Variants in ZNF362 observed in about 807,000 individuals in gnomAD.
ZNF362 encodes zinc finger protein 362.
A neutral mutation model predicts 42.9 loss-of-function variants in ZNF362; 11 were observed. That is an observed-to-expected ratio of 0.26 (90% CI 0.16 to 0.42). ZNF362 has a LOEUF of 0.42. Ranked by LOEUF, ZNF362 falls within the 20% of genes least tolerant of loss-of-function variation. The pLI, the probability that ZNF362 is intolerant of heterozygous loss-of-function variation, is 1.00. For synonymous variants in ZNF362, 255 were observed against 257.3 expected (o/e 0.99, Z 0.09); for missense variants, 362 against 576.2 (o/e 0.63, Z 3.81).
chr1:33,177,668 C>A, the ZNF362 span, among the ~76,000 whole-genome samples: 7 of 152,164 alleles, frequency 4.6e-5, no homozygotes, highest in South Asian at 1.2e-3. The surrounding 1 kb of genome is among the most constrained non-coding windows in gnomAD (Gnocchi z 4.1). Context: ...TCACAACTTG[C>A]GGGGTGGGTG....
chr1:33,233,426 C>T, the ZNF362 span, among the ~76,000 whole-genome samples: 1 of 147,344 alleles, frequency 6.8e-6, no homozygotes, highest in African/African-American at 2.6e-5. Flanking sequence ...TTTTTTGAAA[C>T]AGAGTCTCGC....
rs145596824 is a variant in ZNF362 at position 33,273,991 on chromosome 1, C to T, written c.39-2109C>T. 8.7e-3 allele frequency among the ~76,000 whole-genome samples: 1,329 copies of T among 152,320 alleles called. 19 individuals carry two copies. The highest frequency in any genetic ancestry group is 0.031 in the African/African-American group (1,269 of 41,574). ...GACAGGTGTATCCAATTCTCAAGCTCCCTGCCCCCAGCCGTGGAGCCTCCT... is the reference window on the plus strand; with the variant it reads ...GACAGGTGTATCCAATTCTCAAGCTTCCTGCCCCCAGCCGTGGAGCCTCCT... On this transcript the variant is annotated intron_variant, in intron 2 of 8. Transcript: ENST00000539719.
chr1:33,136,116 TTCCTTCCTTCC>T, the ZNF362 span, among the ~76,000 whole-genome samples: 2 of 30,708 alleles, frequency 6.5e-5, no homozygotes, highest in African/African-American at 2.1e-4. Context: ...GGGCCAGCCC[TTCCTTCCTTCC>T]TTCCTTCCTT....
At chr1:33,202,887 T>C in the ZNF362 span, among the ~76,000 whole-genome samples, 4 of 152,164 alleles carry the variant, frequency 2.6e-5, no homozygotes, top group Non-Finnish European at 5.9e-5. Context: ...TATAAATACC[T>C]TAAATATGAT....
the ZNF362 span, chr1:33,145,890 C>T: frequency 4.2e-6 from 2 of 471,080 alleles, no homozygotes; most frequent in East Asian, 6.9e-5. Flanking sequence ...GACTCCCTTG[C>T]AGCCAAGGTT....
the ZNF362 span, among the ~76,000 whole-genome samples, chr1:33,211,409 G>A: frequency 6.6e-6 from 1 of 152,132 alleles, no homozygotes; most frequent in East Asian, 1.9e-4. Flanking sequence ...GCTTCCTTCA[G>A]GAGCTCTTGT....
the ZNF362 span, among the ~76,000 whole-genome samples, chr1:33,133,056 C>T: frequency 7.4e-4 from 113 of 152,326 alleles, no homozygotes; most frequent in Admixed American, 1.3e-3. Context: ...AGGTTCCCTG[C>T]GGAGGCCCCA....
At chr1:33,211,094 T>A in the ZNF362 span, among the ~76,000 whole-genome samples, 1 of 151,950 alleles carries the variant, frequency 6.6e-6, no homozygotes, top group South Asian at 2.1e-4. Flanking sequence ...CCACCACGCC[T>A]GGCTAATTTT....
the ZNF362 span, among the ~76,000 whole-genome samples, chr1:33,192,960 T>C: frequency 0.77 from 114,202 of 149,232 alleles, 43,632 homozygotes; most frequent in Admixed American, 0.79. Context: ...AATATATACG[T>C]ATATATATGT....
chr1:33,252,400 C>T (rs1430906970), upstream of ZNF362, among the ~76,000 whole-genome samples: 1 of 151,714 alleles, frequency 6.6e-6, no homozygotes, highest in Non-Finnish European at 1.5e-5. Context: ...GAAAAACCAT[C>T]TATTCTCTTT....
the ZNF362 span, among the ~76,000 whole-genome samples, chr1:33,175,583 CTGGGA>C: frequency 2.0e-5 from 3 of 152,168 alleles, no homozygotes; most frequent in Non-Finnish European, 4.4e-5. Context: ...TTGGTGCTCC[CTGGGA>C]CAGTTGGCGT....
the ZNF362 span, among the ~76,000 whole-genome samples, chr1:33,179,710 G>T: frequency 1.3e-5 from 2 of 152,108 alleles, no homozygotes; most frequent in Non-Finnish European, 2.9e-5. Context: ...TTCTGTCTCT[G>T]GCCTTGGAGA....
At chr1:33,278,035 C>A (rs1432914872) in intron 4 of ZNF362, among the ~76,000 whole-genome samples, 1 of 152,094 alleles carries the variant, frequency 6.6e-6, no homozygotes, top group African/African-American at 2.4e-5. Context: ...CTCTCCAGGC[C>A]CCAGCCGCAC....
chr1:33,295,336 G>C (rs781571476), intron 8 of ZNF362, 31 bp downstream of exon 8: 24 of 1,604,630 alleles, frequency 1.5e-5, no homozygotes, highest in Non-Finnish European at 2.0e-5. Context: ...GCCCTGCCCC[G>C]GGGGAGCCAC....
chr1:33,223,199 C>T, the ZNF362 span, among the ~76,000 whole-genome samples: 3 of 151,960 alleles, frequency 2.0e-5, no homozygotes, highest in African/African-American at 4.8e-5. Flanking sequence ...TGCAGTGAGC[C>T]GAGATTGAGC....
chr1:33,242,746 C>T, the ZNF362 span, among the ~76,000 whole-genome samples: 1 of 152,172 alleles, frequency 6.6e-6, no homozygotes, highest in Non-Finnish European at 1.5e-5. Flanking sequence ...ATCTCATTTT[C>T]CCCTCACTCT....
chr1:33,204,749 CTT>C, the ZNF362 span, among the ~76,000 whole-genome samples: 1 of 152,164 alleles, frequency 6.6e-6, no homozygotes, highest in Non-Finnish European at 1.5e-5. Context: ...GCACTCATCT[CTT>C]TTATTCATCG....
At chr1:33,265,579 G>C (rs1482513176) in intron 1 of ZNF362, among the ~76,000 whole-genome samples, 1 of 152,094 alleles carries the variant, frequency 6.6e-6, no homozygotes, top group Non-Finnish European at 1.5e-5. Flanking sequence ...AGTGGGGTGG[G>C]GTGCAGTGGC....
the ZNF362 span, among the ~76,000 whole-genome samples, chr1:33,238,178 G>T: frequency 1.3e-5 from 2 of 151,690 alleles, no homozygotes; most frequent in East Asian, 1.9e-4. Flanking sequence ...AATTAGCCAG[G>T]CGTGGTGGCA....
Sources: gnomAD v4.1 joint callset for allele counts (sites outside exome capture counted in the v4.1 genomes callset) on GRCh38, gnomAD v4.1.1 for gene constraint, Gnocchi (gnomAD v3.1) non-coding constraint, MANE v1.5 for transcripts, NCBI Gene and HGNC (gene_info 2026-07-23, HGNC 2026-07-21) for gene names.